Variants in MON2 observed in about 807,000 individuals in gnomAD.
MON2 encodes MON2 regulator of endosome-to-Golgi trafficking.
Under a neutral mutation model 208.6 loss-of-function variants are expected in MON2, and 84 were observed. The ratio of observed to expected loss-of-function variants is 0.40; its 90% CI spans 0.34 to 0.48. The LOEUF is 0.48. Among genes scored for constraint, MON2 ranks in the 20% least tolerant of loss-of-function variants. MON2 has a pLI of 0.59. For missense variants in MON2, 1,611 were observed against 2,015.4 expected (o/e 0.80, Z 3.84); for synonymous variants, 660 against 694.0 (o/e 0.95, Z 0.77).
At chr12:62,516,011 GCAAC>G (rs1204286080) in intron 8 of MON2, among the ~76,000 whole-genome samples, 1 of 152,106 alleles carries the variant, frequency 6.6e-6, no homozygotes, top group African/African-American at 2.4e-5. Flanking sequence ...AGATTTAGTA[GCAAC>G]CAAAGTATCC....
At chr12:62,526,821 G>T (rs2072354196) in intron 11 of MON2, among the ~76,000 whole-genome samples, 1 of 151,982 alleles carries the variant, frequency 6.6e-6, no homozygotes, top group South Asian at 2.1e-4. Context: ...TGAGTAATTG[G>T]TATGTATAAT....
At chr12:62,528,079 AT>A (rs567470618) in intron 11 of MON2, among the ~76,000 whole-genome samples, 1 of 151,126 alleles carries the variant, frequency 6.6e-6, no homozygotes, top group Non-Finnish European at 1.5e-5. Flanking sequence ...ATATGTGTAG[AT>A]TTTTTTTTAG....
At chr12:62,565,087 T>C (rs1310158742) in intron 26 of MON2, 150 bp from the exon 27 acceptor site, 2 of 692,540 alleles carry the variant, frequency 2.9e-6, no homozygotes, top group East Asian at 2.8e-5. Context: ...CAGTTTAAAA[T>C]AGTTTGTGTC....
Position 62,543,168 on chromosome 12 carries a change from G to A in MON2, c.2436G>A (p.Leu812=). Residue 812 remains leucine, a synonymous_variant, in exon 20 of 35, where the codon CTG becomes CTA. Transcript: ENST00000393630. ...TTAATATGCACCGAATAGAAATTCT[G>A]TGGAGACCTCTGACTGGCCATCTAC... The part of the protein sequence containing the change: ...GLVNMHRIEI[L]WRPLTGHLLE... 1 of 1,565,378 alleles carries A rather than the reference G, an allele frequency of 6.4e-7. No homozygotes were observed. The highest frequency in any genetic ancestry group is 8.6e-7 in the Non-Finnish European group (1 of 1,161,050).
At chr12:62,480,896 G>A (rs1237058134) in intron 1 of MON2, among the ~76,000 whole-genome samples, 1 of 152,212 alleles carries the variant, frequency 6.6e-6, no homozygotes, top group Admixed American at 6.5e-5. Flanking sequence ...GCCATAGTGA[G>A]AAAGGGGAGA....
chr12:62,535,040 T>A, intron 13 of MON2, 114 bp downstream of exon 13: 1 of 763,130 alleles, frequency 1.3e-6, no homozygotes, highest in Middle Eastern at 2.6e-4. Context: ...TTTTTATATG[T>A]GTGAAACATT....
At chr12:62,531,778 TA>T (rs1248688025) in intron 11 of MON2, among the ~76,000 whole-genome samples, 2 of 152,044 alleles carry the variant, frequency 1.3e-5, no homozygotes, top group Admixed American at 6.6e-5. Flanking sequence ...TTTTATTTTT[TA>T]TTTTTTTTGA....
At chr12:62,493,143 G>C (rs571938042) in intron 2 of MON2, among the ~76,000 whole-genome samples, 2 of 152,254 alleles carry the variant, frequency 1.3e-5, no homozygotes. Context: ...TGACAAACTT[G>C]TCTTATCCAT....
At chr12:62,475,723 T>C (rs1245390981) in intron 1 of MON2, among the ~76,000 whole-genome samples, 3 of 146,492 alleles carry the variant, frequency 2.0e-5, no homozygotes, top group Non-Finnish European at 4.5e-5. Context: ...AAAAATTTAG[T>C]CTTCAGCCGG....
chr12:62,482,876 AT>A (rs1479307345), intron 1 of MON2: 1 of 152,164 alleles, frequency 6.6e-6, no homozygotes, highest in East Asian at 1.9e-4. Context: ...TACCAAAAAA[AT>A]TGAAAAATTA....
chr12:62,562,872 C>T (rs1487459252), intron 26 of MON2, among the ~76,000 whole-genome samples: 1 of 152,122 alleles, frequency 6.6e-6, no homozygotes, highest in South Asian at 2.1e-4. Flanking sequence ...GTTCTCAAAC[C>T]ACCAGTTCCC....
chr12:62,579,364 G>A (rs1163555238), intron 31 of MON2, among the ~76,000 whole-genome samples: 4 of 152,024 alleles, frequency 2.6e-5, no homozygotes, highest in Non-Finnish European at 5.9e-5. Flanking sequence ...TAGGGTTTTG[G>A]TGGTTTTTTT....
At chr12:62,541,469 C>CA (rs1229071462) in intron 19 of MON2, among the ~76,000 whole-genome samples, 5 of 151,382 alleles carry the variant, frequency 3.3e-5, no homozygotes, top group Admixed American at 6.6e-5. Flanking sequence ...ATAACAACAA[C>CA]AAAAATATTA....
At chr12:62,527,531 C>T (rs2072395503) in intron 11 of MON2, among the ~76,000 whole-genome samples, 1 of 152,044 alleles carries the variant, frequency 6.6e-6, no homozygotes. Flanking sequence ...GTAAAAGAAT[C>T]AGATATCTAG....
intron 32 of MON2, 55 bp from the exon 33 acceptor site, chr12:62,585,239 A>G: frequency 2.2e-6 from 3 of 1,383,654 alleles, no homozygotes; most frequent in Non-Finnish European, 3.0e-6. Context: ...CATTGTTATC[A>G]TTAAAGCTCA....
At chr12:62,512,435 C>T (rs1383257749) in intron 8 of MON2, among the ~76,000 whole-genome samples, 4 of 152,310 alleles carry the variant, frequency 2.6e-5, no homozygotes, top group South Asian at 2.1e-4. Flanking sequence ...CATGCAAGTC[C>T]GAAATTCAGC....
rs1348817066 is a variant in MON2, at chr12:62,597,593, C to A, written c.*4844C>A. On this transcript the variant is annotated 3_prime_UTR_variant, in exon 35 of 35. Transcript: ENST00000393630. ...AAAAAAATTGTGACTATAACTCCTA[C>A]TGTCTTTATGAATACACGGGATTCA... The A allele has an allele frequency of 6.6e-6, 1 of 152,208 alleles. No individual in the cohort carries two copies. Among genetic ancestry groups the A allele is most frequent in the Non-Finnish European group, 1.5e-5 (1 of 68,038 alleles). 9.4% of individuals were successfully genotyped at this position (152,208 alleles called of 1,614,324 possible). A position where few individuals can be genotyped will look rare whatever the true frequency, so the allele number is the denominator to read the frequency against.
intron 2 of MON2, among the ~76,000 whole-genome samples, chr12:62,487,887 G>C (rs1477802112): frequency 6.6e-6 from 1 of 152,016 alleles, no homozygotes; most frequent in African/African-American, 2.4e-5. Context: ...CCTTCATTCT[G>C]TTTAGCCTAC....
chr12:62,501,557 C>G lies in MON2; in HGVS notation c.664-16C>G, dbSNP rs373223699. 16 of 1,609,394 alleles carry G rather than the reference C, an allele frequency of 9.9e-6. No homozygotes were observed. Among genetic ancestry groups the G allele is most frequent in the Non-Finnish European group, 1.4e-5 (16 of 1,177,092 alleles). On this transcript the variant is annotated splice_polypyrimidine_tract_variant and intron_variant, in intron 6 of 34. Transcript: ENST00000393630. The stretch of plus-strand genomic sequence containing the variant: ...TTTAATTCTAGCATGTGAAATTGTT[C>G]GATTTATTTTCCCAGGATCTTTGTC...
Sources: gnomAD v4.1 joint callset for allele counts (sites outside exome capture counted in the v4.1 genomes callset) on GRCh38, gnomAD v4.1.1 for gene constraint, MANE v1.5 for transcripts, NCBI Gene and HGNC (gene_info 2026-07-23, HGNC 2026-07-21) for gene names.